LDHAL6A: variants seen among roughly 807,000 people sequenced by gnomAD.
LDHAL6A encodes L-lactate dehydrogenase A-like 6A.
In LDHAL6A, 19 loss-of-function variants were observed where a neutral mutation model predicts 28.2. The observed-to-expected ratio is 0.67, with a 90% confidence interval of 0.47 to 0.99. LDHAL6A has a LOEUF of 0.99. Ranked by LOEUF, LDHAL6A falls within the 50% of genes least tolerant of loss-of-function variation. The probability of loss-of-function intolerance (pLI) is 0.00; values close to 1 mark genes in which losing one functional copy is unlikely to be tolerated. For synonymous variants in LDHAL6A, 144 were observed against 134.4 expected (o/e 1.07, Z -0.49); for missense variants, 372 against 398.6 (o/e 0.93, Z 0.57).
chr11:18,477,757 G>A lies in LDHAL6A; in HGVS notation c.834+14G>A, dbSNP rs747040931. 6.3e-7 allele frequency: 1 copy of A among 1,582,490 alleles called. No homozygotes were observed. The highest frequency in any genetic ancestry group is 1.2e-5 in the South Asian group (1 of 85,136). ...ACCCTAAGTAAGGTAGGACATTCAT[G>A]TTCGAAAAATCATTAACTCAACATA... On this transcript the variant is annotated intron_variant, in intron 6 of 6. Coordinates refer to ENST00000280706, the MANE Select transcript of LDHAL6A (RefSeq NM_144972.5).
rs1849119091 is a variant in LDHAL6A, at chr11:18,467,900, T to TATATATATATACACACACACAC, written c.418+2101_418+2102insCACACACACACATATATATATA. Among the ~76,000 whole-genome samples the TATATATATATACACACACACAC allele has an allele frequency of 4.3e-5, 3 of 68,990 alleles. 1 individual carries two copies. Among genetic ancestry groups the TATATATATATACACACACACAC allele is most frequent in the African/African-American group, 2.5e-4 (3 of 12,162 alleles). The allele number at this position is 68,990 out of a possible 152,430, so 45.3% of individuals were successfully genotyped here. A position where few individuals can be genotyped will look rare whatever the true frequency, so the allele number is the denominator to read the frequency against. On this transcript the variant is annotated intron_variant, in intron 3 of 6. Transcript: ENST00000280706. ...ACACACATATATATATATATATATA[T>TATATATATATACACACACACAC]ATATATATATATATATATACACACA...
intron 3 of LDHAL6A, among the ~76,000 whole-genome samples, chr11:18,474,603 T>A (rs959411695): frequency 9.2e-5 from 14 of 151,892 alleles, no homozygotes; most frequent in African/African-American, 3.4e-4. Context: ...GCCAGGATGG[T>A]GTCAATCTCT....
Position 18,467,880 on chromosome 11 carries a change from C to CAT in LDHAL6A, c.418+2108_418+2109dup, listed in dbSNP as rs1161164040. Among the ~76,000 whole-genome samples, 118 of 44,396 alleles carry CAT rather than the reference C, an allele frequency of 2.7e-3. 2 individuals carry two copies. Among genetic ancestry groups the CAT allele is most frequent in the African/African-American group, 0.015 (107 of 7,002 alleles). The allele number at this position is 44,396 out of a possible 152,430, so 29.1% of individuals were successfully genotyped here. On this transcript the variant is annotated intron_variant, in intron 3 of 6. Transcript: ENST00000280706. ...CAAAAAAAATATATATATATACACA[C>CAT]ATATATATATATATATATATATATA...
intron 3 of LDHAL6A, among the ~76,000 whole-genome samples, chr11:18,475,000 G>C (rs1849337029): frequency 6.6e-6 from 1 of 152,108 alleles, no homozygotes; most frequent in Non-Finnish European, 1.5e-5. Flanking sequence ...GAACACTTTG[G>C]GAGGCCAAGG....
Position 18,457,736 on chromosome 11 carries a change from C to T in LDHAL6A, c.126+930C>T, listed in dbSNP as rs535189174. Among the ~76,000 whole-genome samples the T allele has an allele frequency of 3.9e-5, 6 of 152,240 alleles. No homozygotes were observed. In the East Asian group the frequency reaches 7.7e-4, roughly 20 times the overall value. ...CATTGATTGTTTGATGGGGCCTCCA[C>T]GTATTGCCCAGGCTGCTCTCAAACT... is the stretch of plus-strand genomic sequence containing the variant. On this transcript the variant is annotated intron_variant, in intron 1 of 6. Coordinates refer to ENST00000280706, the MANE Select transcript of LDHAL6A (RefSeq NM_144972.5).
chr11:18,456,424 T>C lies in LDHAL6A; in HGVS notation c.-257T>C, dbSNP rs1848756885. On this transcript the variant is annotated 5_prime_UTR_variant, in exon 1 of 7. Coordinates refer to ENST00000280706, the MANE Select transcript of LDHAL6A (RefSeq NM_144972.5). ...TTCCTTTCCTCTCTCTCTCTCTTAA[T>C]TCCTCTTAACTGTACTCACGCTTCC... is the stretch of plus-strand genomic sequence containing the variant. 1 of 399,286 alleles carries C rather than the reference T, an allele frequency of 2.5e-6. No homozygotes were observed. The highest frequency in any genetic ancestry group is 4.5e-6 in the Non-Finnish European group (1 of 223,550). The allele number at this position is 399,286 out of a possible 1,614,324, so 24.7% of individuals were successfully genotyped here. A position where few individuals can be genotyped will look rare whatever the true frequency, so the allele number is the denominator to read the frequency against.
At chr11:18,467,242 C>T (rs1849098571) in intron 3 of LDHAL6A, among the ~76,000 whole-genome samples, 1 of 152,160 alleles carries the variant, frequency 6.6e-6, no homozygotes, top group African/African-American at 2.4e-5. Flanking sequence ...TGCTGAAGAA[C>T]TATTTAACTT....
At chr11:18,457,678 T>TAC (rs2133858194) in intron 1 of LDHAL6A, among the ~76,000 whole-genome samples, 1 of 152,144 alleles carries the variant, frequency 6.6e-6, no homozygotes, top group East Asian at 1.9e-4. Flanking sequence ...TAATGAAGAA[T>TAC]ACACACACGT....
intron 3 of LDHAL6A, among the ~76,000 whole-genome samples, chr11:18,474,569 TAG>T (rs1849326749): frequency 1.3e-5 from 2 of 152,042 alleles, no homozygotes; most frequent in South Asian, 2.1e-4. Context: ...TTATTTTTAA[TAG>T]AGACGGGGTT....
At chr11:18,470,207 G>GA (rs1333526832) in intron 3 of LDHAL6A, among the ~76,000 whole-genome samples, 2 of 152,216 alleles carry the variant, frequency 1.3e-5, no homozygotes, top group African/African-American at 4.8e-5. Context: ...TTATAGGCGT[G>GA]AGCCACCGCG....
chr11:18,462,566 G>A (rs1213230954), intron 1 of LDHAL6A, among the ~76,000 whole-genome samples: 1 of 151,342 alleles, frequency 6.6e-6, no homozygotes, highest in African/African-American at 2.4e-5. Flanking sequence ...GAACCTGGGA[G>A]GCGGAGCTTG....
At chr11:18,471,525 G>C (rs1316171636) in intron 3 of LDHAL6A, among the ~76,000 whole-genome samples, 1 of 151,890 alleles carries the variant, frequency 6.6e-6, no homozygotes, top group Non-Finnish European at 1.5e-5. Flanking sequence ...TCTTATTTCA[G>C]TTACAAAAAC....
At chr11:18,475,431 G>A (rs1267894718) in intron 3 of LDHAL6A, 35 bp from the exon 4 acceptor site, 2 of 1,506,816 alleles carry the variant, frequency 1.3e-6, no homozygotes, top group African/African-American at 1.4e-5. Flanking sequence ...CCTTGTAGAT[G>A]AGGACATTTC....
At chr11:18,463,232 TTAA>T (rs1258070242) in intron 1 of LDHAL6A, among the ~76,000 whole-genome samples, 4 of 152,110 alleles carry the variant, frequency 2.6e-5, no homozygotes, top group Non-Finnish European at 5.9e-5. Flanking sequence ...CTGCCATGGA[TTAA>T]TCTATGGATG....
Position 18,465,760 on chromosome 11 carries a change from A to G in LDHAL6A, c.368A>G (p.Asn123Ser), listed in dbSNP as rs765889910. The change falls in exon 3 of 7, where the codon AAT becomes AGT. Residue 123 changes from asparagine to serine, a missense_variant. Around this residue, in one of 3 missense-constraint regions of LDHAL6A, gnomAD observed 291 missense variants for 302.9 expected, o/e 0.96. Coordinates refer to ENST00000280706, the MANE Select transcript of LDHAL6A (RefSeq NM_144972.5). ...TCCATCTTTAAATTAATGATTCCCA[A>G]TATTACCCAGTACAGTCCTCACTGC... is the stretch of plus-strand genomic sequence containing the variant. ...NVSIFKLMIP[N>S]ITQYSPHCKL... The G allele has an allele frequency of 6.2e-6, 10 of 1,613,818 alleles. No individual in the cohort carries two copies. Among genetic ancestry groups the G allele is most frequent in the East Asian group, 2.2e-5 (1 of 44,880 alleles).
intron 3 of LDHAL6A, among the ~76,000 whole-genome samples, chr11:18,474,384 A>G (rs1194230578): frequency 7.2e-6 from 1 of 139,302 alleles, no homozygotes; most frequent in African/African-American, 2.7e-5. Flanking sequence ...GTGATGACGT[A>G]TGTTTCTTTT....
chr11:18,460,029 G>T (rs1433164849), intron 1 of LDHAL6A, among the ~76,000 whole-genome samples: 1 of 152,184 alleles, frequency 6.6e-6, no homozygotes, highest in Non-Finnish European at 1.5e-5. Flanking sequence ...GTTGACCTCA[G>T]TTACCTGGCT....
rs1565064128 is a variant in LDHAL6A, at chr11:18,456,729, GC to G, written c.51del (p.Ile18PhefsTer9). On this transcript the variant is annotated frameshift_variant, in exon 1 of 7. Coordinates refer to ENST00000280706, the MANE Select transcript of LDHAL6A (RefSeq NM_144972.5). LOFTEE classifies it high-confidence loss of function. ...ELIKNFAEEE[A>X]IHHNKISIVG... is the part of the protein sequence containing the mutation. ...TATTAAGAATTTCGCGGAAGAGGAGGCCATTCATCACAATAAGATCTCCATT... is the reference window on the plus strand; with the variant it reads ...TATTAAGAATTTCGCGGAAGAGGAGGCATTCATCACAATAAGATCTCCATT... 1 of 1,613,776 alleles carries G rather than the reference GC, an allele frequency of 6.2e-7. No homozygotes were observed. The highest frequency in any genetic ancestry group is 1.1e-5 in the South Asian group (1 of 91,072).
chr11:18,478,191 TA>T (rs1413615704), intron 6 of LDHAL6A, among the ~76,000 whole-genome samples: 1 of 152,102 alleles, frequency 6.6e-6, no homozygotes, highest in Non-Finnish European at 1.5e-5. Flanking sequence ...TCTGCTAGTC[TA>T]AATGGGAGAG....
Sources: allele counts gnomAD v4.1 joint callset (sites outside exome capture counted in the v4.1 genomes callset), GRCh38; gene constraint gnomAD v4.1.1; regional missense constraint gnomAD v4.1.1; transcripts MANE v1.5; gene names NCBI Gene and HGNC (gene_info 2026-07-23, HGNC 2026-07-21).